Variants in ARHGEF18 observed in about 807,000 individuals in gnomAD.
The protein encoded by ARHGEF18 is rho guanine nucleotide exchange factor 18.
ARHGEF18 carries 93 observed loss-of-function variants against 155.7 expected under a neutral mutation model. The ratio of observed to expected loss-of-function variants is 0.60; its 90% CI spans 0.50 to 0.71. ARHGEF18 has a LOEUF of 0.71. ARHGEF18 is among the 30% of genes least tolerant of loss of function. The pLI is 0.00. For missense variants in ARHGEF18, 1,593 were observed against 1,816.1 expected, an observed-to-expected ratio of 0.88 and a Z score of 2.23; for synonymous variants, 742 against 753.1, an observed-to-expected ratio of 0.99 and a Z score of 0.24.
chr19:7,452,252 G>C (rs1341222492), intron 16 of ARHGEF18, among the ~76,000 whole-genome samples: 2 of 152,222 alleles, frequency 1.3e-5, no homozygotes, highest in East Asian at 3.9e-4. Context: ...CTGAGCAAGG[G>C]ATGTGTCTGG....
At chr19:7,441,483 C>T (rs1204843082) in intron 11 of ARHGEF18, among the ~76,000 whole-genome samples, 170 bp from the exon 12 acceptor site, 2 of 152,072 alleles carry the variant, frequency 1.3e-5, no homozygotes, top group Non-Finnish European at 2.9e-5. Context: ...CCTGGCAAAT[C>T]TCCCAATTTT....
At position 7,451,248 on chromosome 19, in the gene ARHGEF18, A is replaced by G. The variant is rs1359117774; in HGVS notation, c.1837A>G (p.Ile613Val). The G allele has an allele frequency of 1.2e-6, 2 of 1,613,320 alleles. No individual in the cohort carries two copies. The highest frequency in any genetic ancestry group is 2.7e-5 in the African/African-American group (2 of 74,682). ...ITKYPVLVERIIQNTEAGTED... is the reference protein window; with the variant it reads ...ITKYPVLVERVIQNTEAGTED... ...CAAATACCCAGTGCTGGTGGAGCGC[A>G]TCATCCAGAACACGGAAGGTAGGCC... Residue 613 changes from isoleucine to valine, a missense_variant, in exon 16 of 29, where the codon ATC (isoleucine) becomes GTC (valine). By Grantham distance (29) the Ile-to-Val change is conservative. Transcript: ENST00000668164.
Position 7,462,862 on chromosome 19 carries a change from A to C in ARHGEF18, c.2635+528A>C, listed in dbSNP as rs1600533289. 1.8e-5 allele frequency among the ~76,000 whole-genome samples: 2 copies of C among 110,292 alleles called. No homozygotes were observed. Among genetic ancestry groups the C allele is most frequent in the Admixed American group, 2.3e-4 (2 of 8,678 alleles). The allele number at this position is 110,292 out of a possible 152,430, so 72.4% of individuals were successfully genotyped here. On this transcript the variant is annotated intron_variant, in intron 21 of 28. Coordinates refer to ENST00000668164, the MANE Select transcript of ARHGEF18 (RefSeq NM_001367823.1). This position sits in a 1 kb window ranked among gnomAD's most constrained non-coding sequence, Gnocchi z 4.4. ...TTTTTTTTTTTTTTTTTTGAGATGG[A>C]GTCTCGCTTTGTCACCCAGGCTGGA...
At chr19:7,378,292 T>G in intron 5 of ARHGEF18, 102 bp from the exon 6 acceptor site, 1 of 860,746 alleles carries the variant, frequency 1.2e-6, no homozygotes, top group Non-Finnish European at 1.5e-6. Context: ...TGGCCTCCAG[T>G]TCTGCAGGGG....
At chr19:7,451,587 AT>A (rs892199501) in intron 16 of ARHGEF18, among the ~76,000 whole-genome samples, 41 of 146,364 alleles carry the variant, frequency 2.8e-4, no homozygotes, top group African/African-American at 9.3e-4. Context: ...ATTTTTTTTA[AT>A]TTTTTTTTTA....
chr19:7,401,577 T>C (rs928757327), intron 10 of ARHGEF18, among the ~76,000 whole-genome samples: 42 of 152,194 alleles, frequency 2.8e-4, no homozygotes, highest in African/African-American at 1.0e-3. Flanking sequence ...GCATGAGCCA[T>C]TGTGCCCATC....
Position 7,440,383 on chromosome 19 carries a change from A to T in ARHGEF18, c.1007A>T (p.Asp336Val), listed in dbSNP as rs1974563182. The change falls in exon 11 of 29, where the codon GAT becomes GTT. Residue 336 changes from aspartate to valine, a missense_variant. By Grantham distance (152) the Asp-to-Val change is radical (BLOSUM62 -3). Transcript: ENST00000668164. This position sits in a 1 kb window ranked among gnomAD's most constrained non-coding sequence, Gnocchi z 5.4. ...KEHPRGTLLS[D>V]GSPALSRNVG... ...CACCCCCGGGGCACCCTCCTGTCCG[A>T]TGGCAGCCCGGCCCTGTCCAGGAAT... The T allele has an allele frequency of 1.9e-6, 3 of 1,610,550 alleles. No individual in the cohort carries two copies. The highest frequency in any genetic ancestry group is 8.5e-7 in the Non-Finnish European group (1 of 1,179,976).
chr19:7,430,938 A>G (rs946182808), intron 10 of ARHGEF18, among the ~76,000 whole-genome samples: 1 of 152,136 alleles, frequency 6.6e-6, no homozygotes, highest in African/African-American at 2.4e-5. Flanking sequence ...AGGCCAAGGC[A>G]AAAGCATCAC....
intron 17 of ARHGEF18, among the ~76,000 whole-genome samples, chr19:7,455,992 G>A (rs544650204): frequency 1.3e-5 from 2 of 152,344 alleles, no homozygotes; most frequent in African/African-American, 4.8e-5. Context: ...TGGGGACGCA[G>A]CCAAACCGTA....
intron 10 of ARHGEF18, among the ~76,000 whole-genome samples, chr19:7,426,195 A>G (rs927557094): frequency 1.3e-5 from 2 of 152,036 alleles, no homozygotes; most frequent in African/African-American, 4.8e-5. Context: ...GAAAAAAAGC[A>G]GCAAAGAATA....
rs147449348 is a variant in ARHGEF18 at position 7,462,582 on chromosome 19, C to G, written c.2635+248C>G. The stretch of plus-strand genomic sequence containing the variant: ...AAGCACTTTCTCCCCGTTCAACAAC[C>G]GCTCTGATGCTCCCTGCATGCAGAG... On this transcript the variant is annotated intron_variant, in intron 21 of 28. Coordinates refer to ENST00000668164, the MANE Select transcript of ARHGEF18 (RefSeq NM_001367823.1). This position sits in a 1 kb window ranked among gnomAD's most constrained non-coding sequence, Gnocchi z 4.4. 6.6e-6 allele frequency among the ~76,000 whole-genome samples: 1 copy of G among 152,216 alleles called. No homozygotes were observed. Among genetic ancestry groups the G allele is most frequent in the Non-Finnish European group, 1.5e-5 (1 of 68,032 alleles).
chr19:7,393,535 A>C (rs1207913290), intron 10 of ARHGEF18, among the ~76,000 whole-genome samples: 1 of 152,092 alleles, frequency 6.6e-6, no homozygotes, highest in Non-Finnish European at 1.5e-5. Context: ...GGCCTGGCTG[A>C]CCAGCCAACC....
intron 10 of ARHGEF18, among the ~76,000 whole-genome samples, chr19:7,438,975 C>T (rs1317116659): frequency 2.6e-5 from 4 of 152,100 alleles, no homozygotes; most frequent in South Asian, 4.2e-4. Flanking sequence ...CGGGTTCAAG[C>T]GATTCCGTGC....
At chr19:7,358,010 A>G (rs2145323585) in intron 1 of ARHGEF18, among the ~76,000 whole-genome samples, 1 of 152,056 alleles carries the variant, frequency 6.6e-6, no homozygotes. Flanking sequence ...TCAGAATGCC[A>G]TCTCCTGAGT....
chr19:7,478,388 G>A, the ARHGEF18 span: 7 of 1,604,892 alleles, frequency 4.4e-6, no homozygotes, highest in Admixed American at 1.7e-5. Flanking sequence ...TGCAGCACCA[G>A]AGCCCGAGGG....
intron 1 of ARHGEF18, among the ~76,000 whole-genome samples, chr19:7,353,491 G>A (rs779460574): frequency 4.6e-5 from 7 of 151,612 alleles, no homozygotes; most frequent in Non-Finnish European, 7.4e-5. Context: ...TTGAGAGGCT[G>A]AGGCAGGAGA....
intron 13 of ARHGEF18, among the ~76,000 whole-genome samples, chr19:7,443,616 G>A (rs868473531): frequency 1.3e-5 from 2 of 152,254 alleles, no homozygotes; most frequent in East Asian, 1.9e-4. Flanking sequence ...TTCGAATTTC[G>A]ACATACGAAT....
intron 1 of ARHGEF18, chr19:7,355,811 T>G: frequency 1.6e-6 from 1 of 644,042 alleles, no homozygotes; most frequent in Non-Finnish European, 1.9e-6. Context: ...GTACAGACTC[T>G]GCTGGCATCG....
chr19:7,377,317 C>T (rs1238994938), intron 5 of ARHGEF18, among the ~76,000 whole-genome samples: 9 of 152,116 alleles, frequency 5.9e-5, no homozygotes, highest in Non-Finnish European at 1.5e-5. Flanking sequence ...GTGATCGGCC[C>T]GCCTCAACCT....
Sources: allele counts gnomAD v4.1 joint callset (sites outside exome capture counted in the v4.1 genomes callset), GRCh38; gene constraint gnomAD v4.1.1; non-coding constraint Gnocchi (gnomAD v3.1); transcripts MANE v1.5; gene names NCBI Gene and HGNC (gene_info 2026-07-23, HGNC 2026-07-21).